The following KCNIP4 variants were observed in gnomAD, a reference collection of about 807,000 sequenced individuals.
KCNIP4 encodes the protein potassium voltage-gated channel interacting protein 4, also known as Kv channel-interacting protein 4.
In KCNIP4, 12 loss-of-function variants were observed where a neutral mutation model predicts 34.0. The ratio of observed to expected loss-of-function variants is 0.35; its 90% CI spans 0.23 to 0.57. The LOEUF is 0.57. Ranked by LOEUF, KCNIP4 falls within the 20% of genes least tolerant of loss-of-function variation. The pLI, the probability that KCNIP4 is intolerant of heterozygous loss-of-function variation, is 0.83. For missense variants in KCNIP4, 238 were observed against 311.7 expected, an observed-to-expected ratio of 0.76 and a Z score of 1.78; for synonymous variants, 124 against 102.2, an observed-to-expected ratio of 1.21 and a Z score of -1.29.
At chr4:20,838,605 T>C (rs1203716500) in intron 3 of KCNIP4, among the ~76,000 whole-genome samples, 1 of 152,164 alleles carries the variant, frequency 6.6e-6, no homozygotes, top group East Asian at 1.9e-4. Context: ...CCAGACTCAC[T>C]TGCCCCTGGA....
In KCNIP4 at chr4:20,818,462, G is replaced by C. The variant is rs543871500; in HGVS notation, c.288+32081C>G. On this transcript the variant is annotated intron_variant, in intron 3 of 8. Transcript: ENST00000382152. ...TCAGAAGCAGCCGACTCTAGCCCTT[G>C]GTATGTCTTGTCAGTGGACTGGCTC... Among the ~76,000 whole-genome samples, 9 of 152,280 alleles carry C rather than the reference G, an allele frequency of 5.9e-5. No individual in the cohort carries two copies. In the East Asian group the frequency reaches 1.7e-3, roughly 29 times the overall value.
intron 3 of KCNIP4, 24 bp from the exon 4 acceptor site, chr4:20,758,914 A>G (rs759300289): frequency 6.3e-7 from 1 of 1,599,936 alleles, no homozygotes; most frequent in East Asian, 2.2e-5. Flanking sequence ...CAGAGAAGCA[A>G]TATGAGCAAA....
intron 6 of KCNIP4, among the ~76,000 whole-genome samples, chr4:20,733,532 T>C (rs1271010250): frequency 6.6e-6 from 1 of 152,092 alleles, no homozygotes; most frequent in Non-Finnish European, 1.5e-5. Context: ...TTATAAATGA[T>C]AGAGTAATTT....
At chr4:21,113,245 C>G (rs1055771758) in intron 1 of KCNIP4, among the ~76,000 whole-genome samples, 2 of 152,008 alleles carry the variant, frequency 1.3e-5, no homozygotes, top group African/African-American at 4.8e-5. Flanking sequence ...CAAGTTCTTT[C>G]AAAAGTAACA....
intron 2 of KCNIP4, among the ~76,000 whole-genome samples, chr4:20,865,254 G>C (rs1722752332): frequency 6.6e-6 from 1 of 152,014 alleles, no homozygotes; most frequent in Non-Finnish European, 1.5e-5. Flanking sequence ...GGAACATAAA[G>C]TTGAAAAACA....
intron 1 of KCNIP4, among the ~76,000 whole-genome samples, chr4:21,313,715 A>C (rs551626937): frequency 6.6e-6 from 1 of 152,220 alleles, no homozygotes. Flanking sequence ...GCTTGTATGG[A>C]TAACTGAGAG....
At chr4:21,353,943 G>A (rs1489563428) in intron 1 of KCNIP4, among the ~76,000 whole-genome samples, 2 of 152,176 alleles carry the variant, frequency 1.3e-5, no homozygotes, top group African/African-American at 4.8e-5. Flanking sequence ...GACTAACAGT[G>A]GATCTCTTGG....
intron 1 of KCNIP4, among the ~76,000 whole-genome samples, chr4:21,928,011 T>C (rs1441864489): frequency 3.9e-5 from 6 of 152,170 alleles, no homozygotes; most frequent in Non-Finnish European, 7.4e-5. Context: ...ACATAGGTTA[T>C]AAGTATAATA....
At chr4:21,027,956 C>T (rs1035914183) in intron 1 of KCNIP4, among the ~76,000 whole-genome samples, 2 of 152,104 alleles carry the variant, frequency 1.3e-5, no homozygotes, top group African/African-American at 4.8e-5. Flanking sequence ...TTTTCAACAT[C>T]GCCACTTCGA....
chr4:21,715,757 A>G (rs1714325981), intron 1 of KCNIP4, among the ~76,000 whole-genome samples: 1 of 152,214 alleles, frequency 6.6e-6, no homozygotes, highest in Admixed American at 6.5e-5. Context: ...TCCATCAAAA[A>G]AAGTCCTAAC....
chr4:21,916,138 C>T (rs1235141938), intron 1 of KCNIP4, among the ~76,000 whole-genome samples: 1 of 152,184 alleles, frequency 6.6e-6, no homozygotes, highest in African/African-American at 2.4e-5. Context: ...AATGTTATTT[C>T]TCTAAGTGTT....
chr4:21,561,382 C>T (rs1378108576), intron 1 of KCNIP4, among the ~76,000 whole-genome samples: 5 of 151,774 alleles, frequency 3.3e-5, no homozygotes, highest in Non-Finnish European at 7.4e-5. Flanking sequence ...AAGGGAGAAC[C>T]GATTAAAGAC....
intron 2 of KCNIP4, among the ~76,000 whole-genome samples, chr4:20,855,113 C>A (rs1023967426): frequency 5.3e-5 from 8 of 152,160 alleles, no homozygotes; most frequent in Admixed American, 2.0e-4. Context: ...CAAGTAACAT[C>A]TGGTAATATC....
chr4:21,470,007 G>A (rs923310934), intron 1 of KCNIP4, among the ~76,000 whole-genome samples: 8 of 152,104 alleles, frequency 5.3e-5, no homozygotes, highest in Admixed American at 3.3e-4. Context: ...AATTGTGGCC[G>A]AAATATAATA....
chr4:21,081,506 A>G (rs28628207), intron 1 of KCNIP4, among the ~76,000 whole-genome samples: 3,575 of 151,634 alleles, frequency 0.024, 183 homozygotes, highest in African/African-American at 0.081. Flanking sequence ...TTAACCTCAA[A>G]ACGGCCCCAA....
At chr4:21,031,478 A>G (rs1741019885) in intron 1 of KCNIP4, among the ~76,000 whole-genome samples, 1 of 152,308 alleles carries the variant, frequency 6.6e-6, no homozygotes, top group Admixed American at 6.5e-5. Context: ...CCTTTACTCC[A>G]TGAATTCAGA....
Position 21,883,325 on chromosome 4 carries a change from A to T in KCNIP4, c.61+65246T>A, listed in dbSNP as rs184807963. 7.8e-3 allele frequency among the ~76,000 whole-genome samples: 1,183 copies of T among 151,920 alleles called. 14 individuals carry two copies. The highest frequency in any genetic ancestry group is 0.026 in the African/African-American group (1,091 of 41,424). On this transcript the variant is annotated intron_variant, in intron 1 of 8. Coordinates refer to ENST00000382152, the MANE Select transcript of KCNIP4 (RefSeq NM_025221.6). ...CATGCCTAGCTAATTATTTAAAAAAATTTTTTTAGAAACGAGCGCTTACTA... is the reference window on the plus strand; with the variant it reads ...CATGCCTAGCTAATTATTTAAAAAATTTTTTTTAGAAACGAGCGCTTACTA...
intron 1 of KCNIP4, among the ~76,000 whole-genome samples, chr4:21,908,554 A>T (rs895220398): frequency 8.5e-5 from 13 of 152,188 alleles, no homozygotes; most frequent in Non-Finnish European, 1.9e-4. Context: ...GAAAACCGTT[A>T]CTTTTCAGTT....
chr4:20,957,295 C>G (rs1733412239), intron 1 of KCNIP4, among the ~76,000 whole-genome samples: 1 of 152,108 alleles, frequency 6.6e-6, no homozygotes, highest in Non-Finnish European at 1.5e-5. Context: ...GATTTATAAT[C>G]ATATTAATAT....
Sources: allele counts gnomAD v4.1 joint callset (sites outside exome capture counted in the v4.1 genomes callset), GRCh38; gene constraint gnomAD v4.1.1; transcripts MANE v1.5; gene names NCBI Gene and HGNC (gene_info 2026-07-23, HGNC 2026-07-21).